RPS6KC1: variants seen among roughly 807,000 people sequenced by gnomAD.
RPS6KC1 encodes ribosomal protein S6 kinase C1, also known as inactive ribosomal protein S6 kinase delta-1.
In RPS6KC1, 54 loss-of-function variants were observed where a neutral mutation model predicts 103.8. The observed-to-expected ratio is 0.52, with a 90% CI of 0.42 to 0.65. The LOEUF is 0.65. RPS6KC1 is among the 30% of genes least tolerant of loss of function. RPS6KC1 has a pLI of 0.00. For synonymous variants in RPS6KC1, 439 were observed against 438.7 expected, an observed-to-expected ratio of 1.00 and a Z score of -0.01; for missense variants, 1,151 against 1,253.8, an observed-to-expected ratio of 0.92 and a Z score of 1.24.
At chr1:213,506,303 A>C in the RPS6KC1 span, among the ~76,000 whole-genome samples, 1 of 152,152 alleles carries the variant, frequency 6.6e-6, no homozygotes, top group Non-Finnish European at 1.5e-5. Context: ...TTAAAATTTC[A>C]GGATGTGGTT....
At chr1:213,395,114 C>T in the RPS6KC1 span, among the ~76,000 whole-genome samples, 91 of 152,278 alleles carry the variant, frequency 6.0e-4, no homozygotes, top group African/African-American at 1.6e-3. Context: ...GTTGGGAACC[C>T]GGAACATGGA....
At chr1:213,509,980 C>A in the RPS6KC1 span, among the ~76,000 whole-genome samples, 1 of 152,256 alleles carries the variant, frequency 6.6e-6, no homozygotes, top group Non-Finnish European at 1.5e-5. Flanking sequence ...GGTCTCTTTC[C>A]CATCTGGGCA....
chr1:213,761,169 T>TC, the RPS6KC1 span, among the ~76,000 whole-genome samples: 2 of 152,182 alleles, frequency 1.3e-5, no homozygotes, highest in Admixed American at 6.5e-5. Context: ...GGCATCCCGT[T>TC]TGTCTGTCCA....
the RPS6KC1 span, among the ~76,000 whole-genome samples, chr1:213,597,903 A>G: frequency 1.5e-4 from 23 of 152,242 alleles, no homozygotes; most frequent in Non-Finnish European, 3.2e-4. Flanking sequence ...TAGAGTGTTT[A>G]AAGAGGCACT....
chr1:213,858,674 T>C, the RPS6KC1 span, among the ~76,000 whole-genome samples: 3 of 152,216 alleles, frequency 2.0e-5, no homozygotes, highest in East Asian at 5.8e-4. Context: ...GCATGTTCTG[T>C]CTACATAATG....
chr1:213,229,033 G>T (rs1394343926), intron 8 of RPS6KC1, among the ~76,000 whole-genome samples: 2 of 152,180 alleles, frequency 1.3e-5, no homozygotes, highest in Non-Finnish European at 2.9e-5. Flanking sequence ...TTTAGTTTCA[G>T]AGCATGCATG....
At chr1:213,060,569 G>A (rs1181170706) in intron 1 of RPS6KC1, among the ~76,000 whole-genome samples, 1 of 152,118 alleles carries the variant, frequency 6.6e-6, no homozygotes, top group Non-Finnish European at 1.5e-5. Flanking sequence ...AAAAATTTCA[G>A]TAAATGGAAC....
intron 6 of RPS6KC1, among the ~76,000 whole-genome samples, chr1:213,133,512 A>G (rs909830124): frequency 6.6e-5 from 10 of 152,204 alleles, no homozygotes; most frequent in Admixed American, 1.3e-4. Flanking sequence ...GCAAACATTT[A>G]ATATAATGAT....
chr1:213,242,406 T>G, intron 11 of RPS6KC1, 109 bp downstream of exon 11: 1 of 1,323,604 alleles, frequency 7.6e-7, no homozygotes, highest in Non-Finnish European at 1.1e-6. Flanking sequence ...TAGAGCTTCA[T>G]TATCAGTGCA....
At chr1:213,338,086 A>G in the RPS6KC1 span, among the ~76,000 whole-genome samples, 1 of 152,208 alleles carries the variant, frequency 6.6e-6, no homozygotes. Flanking sequence ...TATTGGGGGA[A>G]GAGCTGAATT....
chr1:213,247,238 C>T (rs1345941730), intron 12 of RPS6KC1, among the ~76,000 whole-genome samples: 1 of 152,212 alleles, frequency 6.6e-6, no homozygotes, highest in Admixed American at 6.5e-5. Context: ...GCTTTGCTTC[C>T]TCTCTTAGGC....
At chr1:213,651,604 G>A in the RPS6KC1 span, among the ~76,000 whole-genome samples, 5 of 152,248 alleles carry the variant, frequency 3.3e-5, no homozygotes, top group Admixed American at 3.3e-4. Context: ...TTAATTTATA[G>A]ATGAGGCACT....
the RPS6KC1 span, among the ~76,000 whole-genome samples, chr1:213,351,251 T>A: frequency 1.3e-5 from 2 of 152,162 alleles, no homozygotes; most frequent in Admixed American, 1.3e-4. Flanking sequence ...CAAAATGAAT[T>A]TAGAAGATGA....
At chr1:213,753,782 T>C in the RPS6KC1 span, among the ~76,000 whole-genome samples, 1 of 152,192 alleles carries the variant, frequency 6.6e-6, no homozygotes, top group Non-Finnish European at 1.5e-5. Context: ...CTCAGCACAT[T>C]ATCCAACACT....
intron 10 of RPS6KC1, among the ~76,000 whole-genome samples, chr1:213,239,599 T>C (rs2094305063): frequency 6.6e-6 from 1 of 152,156 alleles, no homozygotes; most frequent in Non-Finnish European, 1.5e-5. Flanking sequence ...TCCTTAAGGT[T>C]TAGGTACCCT....
rs2084122816 is a variant in RPS6KC1 at position 213,119,476 on chromosome 1, ATATATATATATATATATATAT to A, written c.472+2067_472+2087del. ...TATATATATATATATATATATATATATATATATATATATATATATATATGAGAGTATTCAATGAGGAGTGCA... is the reference window on the plus strand; with the variant it reads ...TATATATATATATATATATATATATAATGAGAGTATTCAATGAGGAGTGCA... On this transcript the variant is annotated intron_variant, in intron 5 of 14. Coordinates refer to ENST00000366960, the MANE Select transcript of RPS6KC1 (RefSeq NM_012424.6). Among the ~76,000 whole-genome samples, 2 of 66,650 alleles carry A rather than the reference ATATATATATATATATATATAT, an allele frequency of 3.0e-5. 1 individual carries two copies. Among genetic ancestry groups the A allele is most frequent in the South Asian group, 8.9e-4 (2 of 2,250 alleles). The allele number at this position is 66,650 out of a possible 152,430, so 43.7% of individuals were successfully genotyped here. A position where few individuals can be genotyped will look rare whatever the true frequency, so the allele number is the denominator to read the frequency against.
chr1:213,421,025 T>A, the RPS6KC1 span, among the ~76,000 whole-genome samples: 3 of 152,354 alleles, frequency 2.0e-5, no homozygotes, highest in African/African-American at 7.2e-5. Flanking sequence ...TCCTAATGAC[T>A]TTGTTTTCAC....
At chr1:213,592,906 T>C in the RPS6KC1 span, among the ~76,000 whole-genome samples, 1 of 152,134 alleles carries the variant, frequency 6.6e-6, no homozygotes, top group Non-Finnish European at 1.5e-5. Context: ...ATCAACAAAG[T>C]TGTAATAACA....
the RPS6KC1 span, among the ~76,000 whole-genome samples, chr1:213,410,611 G>A: frequency 1.3e-5 from 2 of 152,178 alleles, no homozygotes; most frequent in Admixed American, 1.3e-4. Context: ...GATGGTGTGG[G>A]TTTCTCCAGC....
Sources: gnomAD v4.1 joint callset for allele counts (sites outside exome capture counted in the v4.1 genomes callset) on GRCh38, gnomAD v4.1.1 for gene constraint, MANE v1.5 for transcripts, NCBI Gene and HGNC (gene_info 2026-07-23, HGNC 2026-07-21) for gene names.